Variants in RGS9 observed in about 807,000 individuals in gnomAD.
RGS9 encodes regulator of G protein signaling 9, also known as regulator of G-protein signalling 9.
Under a neutral mutation model 102.0 loss-of-function variants are expected in RGS9, and 78 were observed. That is an observed-to-expected ratio of 0.76 (90% CI 0.64 to 0.92). The LOEUF is 0.92. Among genes scored for constraint, RGS9 ranks in the 40% least tolerant of loss-of-function variants. The pLI, the probability that RGS9 is intolerant of heterozygous loss-of-function variation, is 0.00. For synonymous variants in RGS9, 353 were observed against 318.6 expected, an observed-to-expected ratio of 1.11 and a Z score of -1.15; for missense variants, 833 against 866.1, an observed-to-expected ratio of 0.96 and a Z score of 0.48.
chr17:65,147,217 G>C (rs8066961), intron 1 of RGS9, among the ~76,000 whole-genome samples: 1 of 152,156 alleles, frequency 6.6e-6, no homozygotes, highest in Non-Finnish European at 1.5e-5. Flanking sequence ...ACAATTCTGT[G>C]AGCCGAGAAT....
At position 65,162,921 on chromosome 17, in the gene RGS9, G is replaced by T. The variant is rs953545360; in HGVS notation, c.424-92G>T. 1.5e-5 allele frequency: 11 copies of T among 731,446 alleles called. No individual in the cohort carries two copies. The African/African-American group carries it at 1.8e-4, about 12-fold the overall frequency. 45.3% of individuals were successfully genotyped at this position (731,446 alleles called of 1,614,324 possible). On this transcript the variant is annotated intron_variant, in intron 6 of 18. Transcript: ENST00000262406. Reference sequence around the variant, plus strand: ...TGGGTCCATGGTTGCCATGAGCCAGGGGTGTGCCCTTGCTGACTTAGAGTT... The same window carrying T: ...TGGGTCCATGGTTGCCATGAGCCAGTGGTGTGCCCTTGCTGACTTAGAGTT...
chr17:65,190,357 C>A (rs749430233), intron 11 of RGS9, 121 bp downstream of exon 11: 1 of 833,412 alleles, frequency 1.2e-6, no homozygotes. Flanking sequence ...CTGTGAGGGA[C>A]AAAACCAGTC....
At chr17:65,209,572 G>C (rs1277529188) in intron 16 of RGS9, among the ~76,000 whole-genome samples, 1 of 152,174 alleles carries the variant, frequency 6.6e-6, no homozygotes, top group Non-Finnish European at 1.5e-5. Flanking sequence ...CTTTGTCCTG[G>C]CTCCTAAGGC....
chr17:65,199,407 A>T (rs1016020129), intron 13 of RGS9, among the ~76,000 whole-genome samples: 5 of 150,096 alleles, frequency 3.3e-5, no homozygotes, highest in Non-Finnish European at 7.4e-5. Flanking sequence ...ATCATGCAAT[A>T]TGTGACCTTT....
chr17:65,187,011 A>C (rs903245614), intron 9 of RGS9, among the ~76,000 whole-genome samples: 1 of 152,210 alleles, frequency 6.6e-6, no homozygotes, highest in Non-Finnish European at 1.5e-5. Context: ...TTTCTACCTG[A>C]AATGTGCATC....
intron 13 of RGS9, among the ~76,000 whole-genome samples, chr17:65,201,227 G>T (rs527893632): frequency 2.7e-4 from 41 of 152,316 alleles, no homozygotes; most frequent in African/African-American, 9.4e-4. Context: ...GGACGCTGCA[G>T]GTTAGAGAAC....
At chr17:65,188,532 T>C (rs952116273) in intron 9 of RGS9, among the ~76,000 whole-genome samples, 2 of 152,230 alleles carry the variant, frequency 1.3e-5, no homozygotes, top group African/African-American at 4.8e-5. Flanking sequence ...ATCTCACCAT[T>C]GCTTCAGAGC....
At chr17:65,165,344 C>T (rs552271743) in intron 7 of RGS9, among the ~76,000 whole-genome samples, 71 of 152,276 alleles carry the variant, frequency 4.7e-4, no homozygotes, top group African/African-American at 1.6e-3. Context: ...TTGGAATGAG[C>T]GATTCCTAAA....
At chr17:65,205,240 A>G (rs1020009886) in intron 15 of RGS9, among the ~76,000 whole-genome samples, 1 of 152,222 alleles carries the variant, frequency 6.6e-6, no homozygotes, top group Non-Finnish European at 1.5e-5. Context: ...CCTTGACAAG[A>G]CTTTCTTTGG....
intron 1 of RGS9, among the ~76,000 whole-genome samples, chr17:65,137,960 C>G (rs904813979): frequency 1.7e-4 from 26 of 152,140 alleles, no homozygotes; most frequent in African/African-American, 6.3e-4. Flanking sequence ...TTTTTCTGAT[C>G]CCAAACTGCA....
chr17:65,147,587 C>CTTTTTTTTTTTTTT (rs36062784), intron 1 of RGS9, among the ~76,000 whole-genome samples: 1 of 103,704 alleles, frequency 9.6e-6, no homozygotes, highest in African/African-American at 4.7e-5. Flanking sequence ...CTTTTAAAAA[C>CTTTTTTTTTTTTTT]TTTTTTTTTT....
At chr17:65,169,952 G>A (rs914330501) in intron 8 of RGS9, among the ~76,000 whole-genome samples, 1 of 150,360 alleles carries the variant, frequency 6.7e-6, no homozygotes, top group African/African-American at 2.5e-5. Context: ...CACCCTTATT[G>A]TCTTCATCAC....
chr17:65,180,112 C>A (rs1911812616), intron 9 of RGS9: 1 of 152,274 alleles, frequency 6.6e-6, no homozygotes, highest in Admixed American at 6.5e-5. Flanking sequence ...CCTCAGGCAG[C>A]CCCAGCATGC....
At chr17:65,191,889 C>T (rs1446888836) in intron 11 of RGS9, among the ~76,000 whole-genome samples, 1 of 152,220 alleles carries the variant, frequency 6.6e-6, no homozygotes, top group Non-Finnish European at 1.5e-5. Context: ...AGGCATGGAT[C>T]CTGTTCTGTC....
rs1037947952 is a variant in RGS9, at chr17:65,162,216, C to A, written c.424-797C>A. 2.0e-5 allele frequency among the ~76,000 whole-genome samples: 3 copies of A among 151,904 alleles called. No individual in the cohort carries two copies. The South Asian group carries it at 6.2e-4, about 32-fold the overall frequency. The stretch of plus-strand genomic sequence containing the variant: ...AGACCAGCCTGGCAACATAGTGAGA[C>A]CCTATCTCTACAAAAGATTAAAAAA... On this transcript the variant is annotated intron_variant, in intron 6 of 18. Transcript: ENST00000262406.
chr17:65,202,126 A>T, intron 14 of RGS9, 46 bp downstream of exon 14: 1 of 1,310,790 alleles, frequency 7.6e-7, no homozygotes, highest in South Asian at 1.2e-5. Flanking sequence ...TGGGCCTCTG[A>T]GGACCACCCC....
chr17:65,190,063 A>G (rs1037421084), intron 10 of RGS9, 112 bp from the exon 11 acceptor site: 4 of 862,846 alleles, frequency 4.6e-6, no homozygotes, highest in East Asian at 2.4e-5. Flanking sequence ...GGCTCTGGGC[A>G]TGGAACGGGA....
At chr17:65,223,754 T>C (rs1458873916) in intron 17 of RGS9, among the ~76,000 whole-genome samples, 1 of 121,656 alleles carries the variant, frequency 8.2e-6, no homozygotes. Context: ...ATGCCAGGCT[T>C]TTTTTTTTTT....
chr17:65,171,868 C>G (rs903820863), intron 8 of RGS9, among the ~76,000 whole-genome samples: 2 of 152,220 alleles, frequency 1.3e-5, no homozygotes, highest in Non-Finnish European at 2.9e-5. Flanking sequence ...AGAAAGTGCT[C>G]CCTTAGACAG....
Sources: gnomAD v4.1 joint callset for allele counts (sites outside exome capture counted in the v4.1 genomes callset) on GRCh38, gnomAD v4.1.1 for gene constraint, MANE v1.5 for transcripts, NCBI Gene and HGNC (gene_info 2026-07-23, HGNC 2026-07-21) for gene names.